Variants in ASXL1 observed in about 807,000 individuals in gnomAD.
ASXL1 encodes ASXL transcriptional regulator 1, also known as polycomb group protein ASXL1.
Under a neutral mutation model 89.1 loss-of-function variants are expected in ASXL1, and 65 were observed. The ratio of observed to expected loss-of-function variants is 0.73; its 90% CI spans 0.60 to 0.90. ASXL1 has a LOEUF of 0.90. Among genes scored for constraint, ASXL1 ranks in the 40% least tolerant of loss-of-function variants. The pLI, the probability that ASXL1 is intolerant of heterozygous loss-of-function variation, is 0.00. For missense variants in ASXL1, 1,786 were observed against 1,942.9 expected (o/e 0.92, Z 1.52); for synonymous variants, 739 against 746.9 (o/e 0.99, Z 0.17).
At chr20:32,408,508 TCTTC>T (rs2048993181) in intron 4 of ASXL1, among the ~76,000 whole-genome samples, 1 of 152,220 alleles carries the variant, frequency 6.6e-6, no homozygotes, top group Non-Finnish European at 1.5e-5. Context: ...TCCTCTGTGT[TCTTC>T]CTTCTTAAAA....
chr20:32,428,790 A>G (rs1489736862), intron 6 of ASXL1: 4 of 296,616 alleles, frequency 1.3e-5, no homozygotes, highest in East Asian at 8.9e-5. Flanking sequence ...CCTCCCGAGT[A>G]GCTGGGATTA....
At chr20:32,396,946 C>T (rs945459938) in intron 4 of ASXL1, among the ~76,000 whole-genome samples, 1 of 147,540 alleles carries the variant, frequency 6.8e-6, no homozygotes, top group Admixed American at 6.8e-5. Context: ...TTGGGCCACA[C>T]ATAAAATACA....
At chr20:32,401,224 T>G (rs938573208) in intron 4 of ASXL1, among the ~76,000 whole-genome samples, 1 of 152,224 alleles carries the variant, frequency 6.6e-6, no homozygotes, top group African/African-American at 2.4e-5. Context: ...CTATGAAGTT[T>G]TATCACGTGT....
In ASXL1 at chr20:32,436,672, G is replaced by A. The variant is rs1200245924; in HGVS notation, c.3960G>A (p.Ala1320=). The A allele has an allele frequency of 9.9e-6, 16 of 1,613,872 alleles. No homozygotes were observed. Among genetic ancestry groups the A allele is most frequent in the African/African-American group, 4.0e-5 (3 of 74,928 alleles). Residue 1320 remains alanine, a synonymous_variant, in exon 13 of 13, where the codon GCG becomes GCA. Transcript: ENST00000375687. ...CAACCCTTCAGCGCCCCAGGCCTGCGGACCCGATGCCTCTTCCTGCTGAGA... is the reference window on the plus strand; with the variant it reads ...CAACCCTTCAGCGCCCCAGGCCTGCAGACCCGATGCCTCTTCCTGCTGAGA... The part of the protein sequence containing the change: ...VAATLQRPRP[A]DPMPLPAEIP...
At chr20:32,428,066 G>T in intron 4 of ASXL1, 62 bp from the exon 5 acceptor site, 1 of 1,607,202 alleles carries the variant, frequency 6.2e-7, no homozygotes, top group South Asian at 1.1e-5. Flanking sequence ...ATTTAGGAAT[G>T]ACTGCCTTGC....
chr20:32,436,187 A>G lies in ASXL1; in HGVS notation c.3475A>G (p.Ser1159Gly), dbSNP rs2011853841. 1 of 1,614,246 alleles carries G rather than the reference A, an allele frequency of 6.2e-7. No homozygotes were observed. The highest frequency in any genetic ancestry group is 8.5e-7 in the Non-Finnish European group (1 of 1,180,044). Reference protein sequence around the residue: ...MGSLHGLGKNSGMVDGSSPSS... With the variant: ...MGSLHGLGKNGGMVDGSSPSS... The stretch of plus-strand genomic sequence containing the variant: ...ATCTTTACATGGTCTTGGAAAAAAC[A>G]GTGGCATGGTTGATGGAAGCAGCCC... The change falls in exon 13 of 13, where the codon AGT becomes GGT. Residue 1159 changes from serine to glycine, a missense_variant. Physicochemically the swap from Ser to Gly is moderately conservative, Grantham distance 56. This residue lies in a region of ASXL1 where 1,418 missense variants were observed against 1,427.8 expected (regional missense o/e 0.99). Transcript: ENST00000375687.
chr20:32,419,768 G>A (rs999758982), intron 4 of ASXL1, among the ~76,000 whole-genome samples: 1 of 148,800 alleles, frequency 6.7e-6, no homozygotes, highest in African/African-American at 2.5e-5. Flanking sequence ...TGCAACCTCC[G>A]TCTCCCATTC....
chr20:32,385,210 C>T (rs143434634), intron 4 of ASXL1, among the ~76,000 whole-genome samples: 143 of 152,202 alleles, frequency 9.4e-4, no homozygotes, highest in African/African-American at 3.3e-3. Flanking sequence ...GTTTCCAAGT[C>T]CTATAATAAT....
intron 4 of ASXL1, among the ~76,000 whole-genome samples, chr20:32,421,745 A>C (rs146870719): frequency 6.6e-6 from 1 of 152,228 alleles, no homozygotes; most frequent in Non-Finnish European, 1.5e-5. Context: ...GAAGCCAGAT[A>C]CAAAAGAATA....
intron 4 of ASXL1, among the ~76,000 whole-genome samples, chr20:32,417,755 T>G (rs2049163129): frequency 6.6e-6 from 1 of 152,108 alleles, no homozygotes; most frequent in South Asian, 2.1e-4. Context: ...ATCAGAATCT[T>G]TTGTTTTAGG....
chr20:32,417,731 ATTT>A (rs999714600), intron 4 of ASXL1, among the ~76,000 whole-genome samples: 1 of 147,608 alleles, frequency 6.8e-6, no homozygotes, highest in South Asian at 2.1e-4. Context: ...TTTAAAAAAA[ATTT>A]TTTTTTTTTG....
chr20:32,401,542 G>GC (rs1555907064), intron 4 of ASXL1, among the ~76,000 whole-genome samples: 6 of 40,128 alleles, frequency 1.5e-4, no homozygotes, highest in African/African-American at 4.9e-4. Context: ...GTGTGTGTGT[G>GC]TGTTTTTTCC....
chr20:32,412,329 G>A (rs985271929), intron 4 of ASXL1, among the ~76,000 whole-genome samples: 6 of 152,036 alleles, frequency 3.9e-5, no homozygotes, highest in African/African-American at 1.2e-4. Context: ...TTTTATAATT[G>A]TTAACCCATT....
chr20:32,376,556 G>A (rs1004141490), intron 4 of ASXL1, among the ~76,000 whole-genome samples: 9 of 151,734 alleles, frequency 5.9e-5, no homozygotes, highest in East Asian at 1.9e-4. Flanking sequence ...GATTACAGGC[G>A]TGAGCCACCA....
Position 32,434,507 on chromosome 20 carries a change from C to G in ASXL1, c.1795C>G (p.Pro599Ala). 6.2e-7 allele frequency: 1 copy of G among 1,614,062 alleles called. No individual in the cohort carries two copies. The highest frequency in any genetic ancestry group is 8.5e-7 in the Non-Finnish European group (1 of 1,180,040). ...TTACCAGATATGCCCCCGGATCATC[C>G]CCACCACGGAGTCCTCCTGCCGGGG... ...PTYQICPRII[P>A]TTESSCRGWT... Residue 599 changes from proline (P) to alanine (A), a missense_variant, in exon 13 of 13, where the codon CCC becomes GCC. Physicochemically the swap from Pro to Ala is conservative, Grantham distance 27 (BLOSUM62 -1). Transcript: ENST00000375687.
rs1466392531 is a variant in ASXL1, at chr20:32,429,669, G to A, written c.566-232G>A. ...CAACGGAGGATTTGATTATGCCAGTGCTTTGTAAAAGGTGTAGTGCTATAC... is the reference window on the plus strand; with the variant it reads ...CAACGGAGGATTTGATTATGCCAGTACTTTGTAAAAGGTGTAGTGCTATAC... On this transcript the variant is annotated intron_variant, in intron 7 of 12. Transcript: ENST00000375687. The surrounding 1 kb of genome is among the most constrained non-coding windows in gnomAD (Gnocchi z 4.9). The A allele has an allele frequency of 5.6e-6, 4 of 708,466 alleles. No homozygotes were observed. Among genetic ancestry groups the A allele is most frequent in the African/African-American group, 1.8e-5 (1 of 55,938 alleles). The allele number at this position is 708,466 out of a possible 1,614,324, so 43.9% of individuals were successfully genotyped here.
chr20:32,429,301 T>A lies in ASXL1; in HGVS notation c.472-37T>A. On this transcript the variant is annotated intron_variant, in intron 6 of 12. Coordinates refer to ENST00000375687, the MANE Select transcript of ASXL1 (RefSeq NM_015338.6). The surrounding 1 kb of genome is among the most constrained non-coding windows in gnomAD (Gnocchi z 4.9). Reference sequence around the variant, plus strand: ...GGGAATGCTTTTGTGGCTCTGCAGTTGACTTGGGCTCTCTTTTGTTCTCTC... The same window carrying A: ...GGGAATGCTTTTGTGGCTCTGCAGTAGACTTGGGCTCTCTTTTGTTCTCTC... 1 of 1,600,748 alleles carries A rather than the reference T, an allele frequency of 6.2e-7. No homozygotes were observed. Among genetic ancestry groups the A allele is most frequent in the Non-Finnish European group, 8.6e-7 (1 of 1,169,126 alleles).
intron 4 of ASXL1, among the ~76,000 whole-genome samples, chr20:32,416,395 C>G (rs1448866492): frequency 2.0e-5 from 3 of 152,198 alleles, no homozygotes; most frequent in Non-Finnish European, 4.4e-5. Context: ...ACCCCAATCC[C>G]TCTGTCCCCA....
chr20:32,401,177 A>G (rs1569284858), intron 4 of ASXL1, among the ~76,000 whole-genome samples: 2 of 152,186 alleles, frequency 1.3e-5, no homozygotes, highest in African/African-American at 4.8e-5. Flanking sequence ...ATATTTTCAC[A>G]TGAACTATTT....
Sources: gnomAD v4.1 joint callset for allele counts (sites outside exome capture counted in the v4.1 genomes callset) on GRCh38, gnomAD v4.1.1 for gene constraint, gnomAD v4.1.1 regional missense constraint, Gnocchi (gnomAD v3.1) non-coding constraint, MANE v1.5 for transcripts, NCBI Gene and HGNC (gene_info 2026-07-23, HGNC 2026-07-21) for gene names.